Variants in SESN1 observed in about 807,000 individuals in gnomAD.
SESN1 encodes sestrin-1.
A neutral mutation model predicts 59.3 loss-of-function variants in SESN1; 30 were observed. The observed-to-expected ratio is 0.51, with a 90% CI of 0.38 to 0.69. The LOEUF (loss-of-function observed/expected upper bound fraction) is 0.69. Ranked by LOEUF, SESN1 falls within the 30% of genes least tolerant of loss-of-function variation. SESN1 has a pLI of 0.00. For synonymous variants in SESN1, 197 were observed against 219.9 expected, an observed-to-expected ratio of 0.90 and a Z score of 0.92; for missense variants, 566 against 673.0, an observed-to-expected ratio of 0.84 and a Z score of 1.76.
intron 1 of SESN1, among the ~76,000 whole-genome samples, chr6:109,027,781 T>G (rs551081420): frequency 6.6e-6 from 1 of 152,282 alleles, no homozygotes; most frequent in East Asian, 1.9e-4. Flanking sequence ...TGTAGCAATA[T>G]CTCATTGTGA....
Position 108,985,263 on chromosome 6 carries a change from A to C in SESN1, c.*2281T>G, listed in dbSNP as rs1352352836. 1.3e-5 allele frequency among the ~76,000 whole-genome samples: 2 copies of C among 151,498 alleles called. No individual in the cohort carries two copies. Among genetic ancestry groups the C allele is most frequent in the Non-Finnish European group, 3.0e-5 (2 of 67,766 alleles). On this transcript the variant is annotated 3_prime_UTR_variant, in exon 10 of 10. Coordinates refer to ENST00000436639, the MANE Select transcript of SESN1 (RefSeq NM_014454.3). The stretch of plus-strand genomic sequence containing the variant: ...GATGATAAAGTTTGGCCTAATAAAA[A>C]ATTTTCCCAAATACGGCCAAAACAA...
At chr6:109,090,969 C>A (rs1781309435) in intron 1 of SESN1, among the ~76,000 whole-genome samples, 1 of 152,028 alleles carries the variant, frequency 6.6e-6, no homozygotes, top group South Asian at 2.1e-4. Context: ...AGAGATGGGT[C>A]TTGCTATGTT....
chr6:109,032,132 C>T (rs906249613), intron 1 of SESN1, among the ~76,000 whole-genome samples: 1 of 152,038 alleles, frequency 6.6e-6, no homozygotes, highest in African/African-American at 2.4e-5. Flanking sequence ...ATTAGCCAGG[C>T]GTGGTGGTTC....
At chr6:109,056,557 A>G (rs994365570) in intron 1 of SESN1, among the ~76,000 whole-genome samples, 1 of 152,218 alleles carries the variant, frequency 6.6e-6, no homozygotes. Flanking sequence ...CAGTAGGCTA[A>G]CCCAAGTTCC....
At chr6:109,092,187 C>A (rs1056586515) in intron 1 of SESN1, among the ~76,000 whole-genome samples, 2 of 152,168 alleles carry the variant, frequency 1.3e-5, no homozygotes, top group Non-Finnish European at 2.9e-5. Flanking sequence ...GGGAGAGGAG[C>A]ATCTACTATA....
chr6:109,091,256 A>G (rs558716910), intron 1 of SESN1, among the ~76,000 whole-genome samples: 1 of 152,310 alleles, frequency 6.6e-6, no homozygotes, highest in African/African-American at 2.4e-5. Context: ...GACACGCTGT[A>G]CGGGTTTGTA....
intron 1 of SESN1, among the ~76,000 whole-genome samples, chr6:109,019,126 C>T (rs1779970037): frequency 6.6e-6 from 1 of 152,114 alleles, no homozygotes; most frequent in African/African-American, 2.4e-5. Context: ...ATACTATATA[C>T]ATCAGAATTC....
chr6:109,057,706 C>G (rs561351412), intron 1 of SESN1, among the ~76,000 whole-genome samples: 3 of 152,268 alleles, frequency 2.0e-5, no homozygotes, highest in East Asian at 3.9e-4. Flanking sequence ...AAGGATTATC[C>G]CCTTCATTCA....
At chr6:109,024,769 C>G (rs754412436) in intron 1 of SESN1, among the ~76,000 whole-genome samples, 3 of 152,164 alleles carry the variant, frequency 2.0e-5, no homozygotes, top group Non-Finnish European at 2.9e-5. Flanking sequence ...TGGCTGAGAA[C>G]TGTCACTTGC....
At chr6:109,055,523 T>C (rs1380201799) in intron 1 of SESN1, among the ~76,000 whole-genome samples, 1 of 151,006 alleles carries the variant, frequency 6.6e-6, no homozygotes, top group Non-Finnish European at 1.5e-5. Context: ...ATTAGCCGGG[T>C]GTGGTGGCAG....
At chr6:109,025,441 A>C (rs1780076899) in intron 1 of SESN1, among the ~76,000 whole-genome samples, 1 of 151,726 alleles carries the variant, frequency 6.6e-6, no homozygotes, top group South Asian at 2.1e-4. Flanking sequence ...AATAATAAAA[A>C]GTACTATGCA....
chr6:109,066,693 A>G (rs1780832235), intron 1 of SESN1, among the ~76,000 whole-genome samples: 1 of 152,254 alleles, frequency 6.6e-6, no homozygotes, highest in Non-Finnish European at 1.5e-5. Context: ...GGACACAGCC[A>G]TACCACTTGA....
At chr6:109,003,008 A>C (rs1464218037) in intron 1 of SESN1, among the ~76,000 whole-genome samples, 2 of 152,056 alleles carry the variant, frequency 1.3e-5, no homozygotes, top group Non-Finnish European at 2.9e-5. Flanking sequence ...ATTGAGAAAT[A>C]GTTTTCTGAC....
At chr6:109,035,185 A>G (rs1247821057) in intron 1 of SESN1, among the ~76,000 whole-genome samples, 1 of 151,904 alleles carries the variant, frequency 6.6e-6, no homozygotes, top group East Asian at 1.9e-4. Flanking sequence ...TTTGCTTTTC[A>G]TCCTAGAAGT....
At chr6:109,020,363 CAA>C (rs986748238) in intron 1 of SESN1, among the ~76,000 whole-genome samples, 9 of 152,002 alleles carry the variant, frequency 5.9e-5, no homozygotes, top group African/African-American at 1.7e-4. Flanking sequence ...CTGTATACAT[CAA>C]GTTACCATTA....
At chr6:108,989,547 C>A (rs1205821547) in intron 8 of SESN1, among the ~76,000 whole-genome samples, 23 of 102,434 alleles carry the variant, frequency 2.2e-4, no homozygotes, top group African/African-American at 3.2e-4. Flanking sequence ...AGAGATATCT[C>A]TAGATCTAGA....
chr6:109,073,482 T>C (rs1323747479), intron 1 of SESN1, among the ~76,000 whole-genome samples: 1 of 152,176 alleles, frequency 6.6e-6, no homozygotes, highest in South Asian at 2.1e-4. Flanking sequence ...TGTTGTGACA[T>C]TGCAAACCCG....
At chr6:109,079,149 T>C (rs577166527) in intron 1 of SESN1, among the ~76,000 whole-genome samples, 2 of 149,384 alleles carry the variant, frequency 1.3e-5, no homozygotes, top group Non-Finnish European at 3.0e-5. Context: ...AATTCTAGCC[T>C]GGGGTCAAAT....
chr6:109,058,895 T>G (rs1005729984), intron 1 of SESN1, among the ~76,000 whole-genome samples: 5 of 151,216 alleles, frequency 3.3e-5, no homozygotes, highest in Non-Finnish European at 5.9e-5. Flanking sequence ...GCTAAAAGGC[T>G]TAATATTCTC....
Sources: allele counts gnomAD v4.1 joint callset (sites outside exome capture counted in the v4.1 genomes callset), GRCh38; gene constraint gnomAD v4.1.1; transcripts MANE v1.5; gene names NCBI Gene and HGNC (gene_info 2026-07-23, HGNC 2026-07-21).